EGFLAM: variants seen among roughly 807,000 people sequenced by gnomAD.
EGFLAM encodes the protein pikachurin.
Under a neutral mutation model 113.1 loss-of-function variants are expected in EGFLAM, and 79 were observed. The ratio of observed to expected loss-of-function variants is 0.70; its 90% CI spans 0.58 to 0.84. The LOEUF (loss-of-function observed/expected upper bound fraction) is 0.84, where lower values mean the gene tolerates loss of function less well. EGFLAM is among the 40% of genes least tolerant of loss of function. The probability of loss-of-function intolerance (pLI) is 0.00; values close to 1 mark genes in which losing one functional copy is unlikely to be tolerated. For missense variants in EGFLAM, 1,265 were observed against 1,291.6 expected (o/e 0.98, Z 0.32); for synonymous variants, 504 against 487.6 (o/e 1.03, Z -0.44).
intron 12 of EGFLAM, among the ~76,000 whole-genome samples, chr5:38,422,267 T>C (rs2112176171): frequency 6.6e-6 from 1 of 152,276 alleles, no homozygotes. Context: ...CTTTACATAT[T>C]GATAATGAGG....
intron 5 of EGFLAM, among the ~76,000 whole-genome samples, chr5:38,363,159 C>T (rs1444224131): frequency 1.3e-5 from 2 of 151,948 alleles, no homozygotes; most frequent in African/African-American, 4.8e-5. Context: ...GGACCTTTCT[C>T]TGCAATTCAT....
At chr5:38,347,428 T>C (rs1739500369) in intron 3 of EGFLAM, among the ~76,000 whole-genome samples, 1 of 152,034 alleles carries the variant, frequency 6.6e-6, no homozygotes, top group Non-Finnish European at 1.5e-5. Flanking sequence ...AAGGTGAGCA[T>C]TGCTCAGATT....
Position 38,337,605 on chromosome 5 carries a change from T to C in EGFLAM, c.183T>C (p.Pro61=), listed in dbSNP as rs1228073711. 5 of 1,603,618 alleles carry C rather than the reference T, an allele frequency of 3.1e-6. No homozygotes were observed. Among genetic ancestry groups the C allele is most frequent in the African/African-American group, 1.3e-5 (1 of 74,758 alleles). The change falls in exon 2 of 22, where the codon CCT becomes CCC. Residue 61 remains proline, a synonymous_variant. Transcript: ENST00000322350. The part of the protein sequence containing the change: ...FSIQWKMPRH[P]GSPILGYTVF... The stretch of plus-strand genomic sequence containing the variant: ...TCCAGTGGAAAATGCCAAGGCATCC[T>C]GGAAGTCCCATCCTTGGGTACACTG...
chr5:38,396,197 C>A (rs902611769), intron 6 of EGFLAM, among the ~76,000 whole-genome samples: 1 of 152,086 alleles, frequency 6.6e-6, no homozygotes, highest in Non-Finnish European at 1.5e-5. Context: ...CATTAAATTT[C>A]TTTTCAAAAA....
At chr5:38,397,935 C>T (rs1171554482) in intron 6 of EGFLAM, among the ~76,000 whole-genome samples, 1 of 152,206 alleles carries the variant, frequency 6.6e-6, no homozygotes, top group Non-Finnish European at 1.5e-5. Flanking sequence ...ATCAAGGACC[C>T]TCAGAGATGG....
chr5:38,293,455 T>C (rs148218424), intron 1 of EGFLAM, among the ~76,000 whole-genome samples: 1 of 152,368 alleles, frequency 6.6e-6, no homozygotes, highest in East Asian at 1.9e-4. Flanking sequence ...ATTATTGTAC[T>C]GGCACAGTAT....
At chr5:38,307,535 G>A (rs1052198151) in intron 1 of EGFLAM, among the ~76,000 whole-genome samples, 25 of 152,274 alleles carry the variant, frequency 1.6e-4, no homozygotes, top group East Asian at 3.9e-4. Context: ...TCAGGCCTGC[G>A]GAACTGTGAG....
intron 5 of EGFLAM, among the ~76,000 whole-genome samples, chr5:38,358,106 C>T (rs1204533070): frequency 6.6e-6 from 1 of 151,224 alleles, no homozygotes; most frequent in Non-Finnish European, 1.5e-5. Flanking sequence ...TATAATTGTG[C>T]CACTGTATTC....
intron 17 of EGFLAM, among the ~76,000 whole-genome samples, chr5:38,438,830 G>A (rs1742442644): frequency 6.6e-6 from 1 of 152,142 alleles, no homozygotes; most frequent in Admixed American, 6.5e-5. Flanking sequence ...CCTATGCTTT[G>A]TAGACTGATA....
At chr5:38,316,624 G>A (rs563032469) in intron 1 of EGFLAM, among the ~76,000 whole-genome samples, 1 of 152,222 alleles carries the variant, frequency 6.6e-6, no homozygotes, top group South Asian at 2.1e-4. Flanking sequence ...GGCAATTTTT[G>A]TTAAAGATTC....
intron 1 of EGFLAM, among the ~76,000 whole-genome samples, chr5:38,268,874 G>A (rs1757695374): frequency 6.6e-6 from 1 of 152,088 alleles, no homozygotes; most frequent in East Asian, 1.9e-4. Flanking sequence ...TTTTACAAAA[G>A]GTAAAATTAA....
chr5:38,443,769 CT>C (rs11320853), intron 17 of EGFLAM, among the ~76,000 whole-genome samples: 22,271 of 133,132 alleles, frequency 0.17, 2,130 homozygotes, highest in African/African-American at 0.32. Flanking sequence ...CCCTTCAACT[CT>C]TTTTTTTTTT....
chr5:38,433,277 T>C (rs1742243420), intron 15 of EGFLAM, among the ~76,000 whole-genome samples: 1 of 152,162 alleles, frequency 6.6e-6, no homozygotes, highest in South Asian at 2.1e-4. Flanking sequence ...ACCAGGCTGC[T>C]CAGCTGGCAG....
rs200643273 is a variant in EGFLAM at position 38,258,809 on chromosome 5, G to T, written c.55G>T (p.Gly19Ter). The change falls in exon 1 of 22, where the codon GGA (glycine) becomes TGA (stop). Residue 19 changes from glycine to a stop codon, truncating the protein, a stop_gained. Transcript: ENST00000322350. LOFTEE classifies it high-confidence loss of function. ...LRLLLLASSL[G>*]PGAVSLRAAI... ...GCTCCTGCTCCTGGCTTCCAGCCTCGGACCCGGCGCGGTGTCGCTCCGAGC... is the reference window on the plus strand; with the variant it reads ...GCTCCTGCTCCTGGCTTCCAGCCTCTGACCCGGCGCGGTGTCGCTCCGAGC... The T allele has an allele frequency of 6.2e-7, 1 of 1,612,532 alleles. No individual in the cohort carries two copies. The highest frequency in any genetic ancestry group is 1.1e-5 in the South Asian group (1 of 91,034).
chr5:38,407,763 G>C (rs539650429), intron 8 of EGFLAM, 42 bp from the exon 9 acceptor site: 2 of 1,485,382 alleles, frequency 1.3e-6, no homozygotes, highest in African/African-American at 1.4e-5. Flanking sequence ...TTGAAGAAGT[G>C]AGGAAATAGC....
At chr5:38,329,007 A>T (rs947698473) in intron 1 of EGFLAM, among the ~76,000 whole-genome samples, 1 of 152,028 alleles carries the variant, frequency 6.6e-6, no homozygotes, top group African/African-American at 2.4e-5. Context: ...TGGTTTTAAG[A>T]TCGGGCACAG....
chr5:38,418,475 A>G (rs114740921), intron 12 of EGFLAM, among the ~76,000 whole-genome samples: 161 of 152,272 alleles, frequency 1.1e-3, no homozygotes, highest in African/African-American at 2.5e-3. Context: ...TGGTAACAGT[A>G]TGGTGCACCA....
chr5:38,296,225 A>G (rs931550565), intron 1 of EGFLAM, among the ~76,000 whole-genome samples: 2 of 152,216 alleles, frequency 1.3e-5, no homozygotes, highest in African/African-American at 4.8e-5. Context: ...CAAGGCGGAA[A>G]GAAAGTCTTC....
At chr5:38,285,347 T>C (rs1758131252) in intron 1 of EGFLAM, among the ~76,000 whole-genome samples, 1 of 152,226 alleles carries the variant, frequency 6.6e-6, no homozygotes, top group Non-Finnish European at 1.5e-5. Flanking sequence ...TTTTTCTTGT[T>C]GTACTTGTAT....
Sources: allele counts gnomAD v4.1 joint callset (sites outside exome capture counted in the v4.1 genomes callset), GRCh38; gene constraint gnomAD v4.1.1; transcripts MANE v1.5; gene names NCBI Gene and HGNC (gene_info 2026-07-23, HGNC 2026-07-21).